WDFY4: variants seen among roughly 807,000 people sequenced by gnomAD.
The protein encoded by WDFY4 is WD repeat- and FYVE domain-containing protein 4.
A neutral mutation model predicts 351.9 loss-of-function variants in WDFY4; 169 were observed. That is an observed-to-expected ratio of 0.48 (90% CI 0.42 to 0.55). The LOEUF is 0.55. Ranked by LOEUF, WDFY4 falls within the 20% of genes least tolerant of loss-of-function variation. The probability of loss-of-function intolerance (pLI) is 0.00; values close to 1 mark genes in which losing one functional copy is unlikely to be tolerated. For synonymous variants in WDFY4, 1,622 were observed against 1,574.6 expected (o/e 1.03, Z -0.71); for missense variants, 3,803 against 3,935.6 (o/e 0.97, Z 0.90).
intron 40 of WDFY4, among the ~76,000 whole-genome samples, chr10:48,870,959 A>G (rs1411607655): frequency 6.8e-6 from 1 of 147,448 alleles, no homozygotes; most frequent in Non-Finnish European, 1.5e-5. Flanking sequence ...TTTTTGATGG[A>G]GGCTCGCTCC....
At chr10:48,979,955 C>A (rs1448266486) in intron 60 of WDFY4, 1 of 152,128 alleles carries the variant, frequency 6.6e-6, no homozygotes, top group Non-Finnish European at 1.5e-5. Flanking sequence ...AAATGCAGGT[C>A]ATTATTGTCA....
rs374289050 is a variant in WDFY4, at chr10:48,923,496, G to GTATATATATATA, written c.7587-18304_7587-18293dup. Among the ~76,000 whole-genome samples, 211 of 63,176 alleles carry GTATATATATATA rather than the reference G, an allele frequency of 3.3e-3. 33 individuals are homozygous for GTATATATATATA. Among genetic ancestry groups the GTATATATATATA allele is most frequent in the Admixed American group, 0.027 (124 of 4,516 alleles). 41.4% of individuals were successfully genotyped at this position (63,176 alleles called of 152,430 possible). On this transcript the variant is annotated intron_variant, in intron 47 of 61. Transcript: ENST00000325239. Reference sequence around the variant, plus strand: ...TCAGGTAAACAACAAATAGTTTTTAGTATATATATATATATATGTCCCAAA... The same window carrying GTATATATATATA: ...TCAGGTAAACAACAAATAGTTTTTAGTATATATATATATATATATATATATATATGTCCCAAA...
intron 53 of WDFY4, among the ~76,000 whole-genome samples, chr10:48,963,577 A>C (rs1204451266): frequency 6.6e-6 from 1 of 152,176 alleles, no homozygotes; most frequent in Non-Finnish European, 1.5e-5. Context: ...GATACTGTGG[A>C]CACCATGGTT....
rs1043282512 is a variant in WDFY4, at chr10:48,731,173, A to G, written c.1193A>G (p.Asp398Gly). 1.9e-6 allele frequency: 3 copies of G among 1,551,512 alleles called. No individual in the cohort carries two copies. The African/African-American group carries it at 4.1e-5, about 21-fold the overall frequency. The change falls in exon 9 of 62, where the codon GAC (aspartate) becomes GGC (glycine). Residue 398 changes from aspartate to glycine, a missense_variant. This residue lies in a region of WDFY4 where 261 missense variants were observed against 330.2 expected (regional missense o/e 0.79). Coordinates refer to ENST00000325239, the MANE Select transcript of WDFY4 (RefSeq NM_001394531.1). The part of the protein sequence containing the change: ...VLQNVFHKAS[D>G]SVLCIQVLSV... The stretch of plus-strand genomic sequence containing the variant: ...CAGAATGTTTTCCACAAAGCCAGTG[A>G]CTCTGTCCTCTGCATACAAGTCTTG...
At chr10:48,790,969 C>T in intron 23 of WDFY4, 52 bp downstream of exon 23, 1 of 1,541,190 alleles carries the variant, frequency 6.5e-7, no homozygotes, top group East Asian at 2.4e-5. Flanking sequence ...GCTGTCATCC[C>T]TGGGAAACAG....
rs1589838646 is a variant in WDFY4 at position 48,901,926 on chromosome 10, G to A, written c.7586+63G>A. On this transcript the variant is annotated intron_variant, in intron 47 of 61. Coordinates refer to ENST00000325239, the MANE Select transcript of WDFY4 (RefSeq NM_001394531.1). ...GCCCTGGCTTTGATGTTCCTCCTCT[G>A]CCTCATCCCACTCTAAAGAAGTCTT... is the stretch of plus-strand genomic sequence containing the variant. The A allele has an allele frequency of 5.6e-6, 8 of 1,434,324 alleles. No homozygotes were observed. The East Asian group carries it at 1.7e-4, about 31-fold the overall frequency. 88.8% of individuals were successfully genotyped at this position (1,434,324 alleles called of 1,614,324 possible). A position where few individuals can be genotyped will look rare whatever the true frequency, so the allele number is the denominator to read the frequency against.
intron 39 of WDFY4, among the ~76,000 whole-genome samples, chr10:48,864,201 A>T (rs1321024198): frequency 6.6e-6 from 1 of 152,144 alleles, no homozygotes; most frequent in Non-Finnish European, 1.5e-5. Flanking sequence ...TTCTTCTAAG[A>T]GTTTTATAGT....
Position 48,906,180 on chromosome 10 carries a change from T to G in WDFY4, c.7586+4317T>G, listed in dbSNP as rs144532012. Among the ~76,000 whole-genome samples, 1,501 of 152,304 alleles carry G rather than the reference T, an allele frequency of 9.9e-3. 23 individuals carry two copies. Among genetic ancestry groups the G allele is most frequent in the African/African-American group, 0.034 (1,429 of 41,564 alleles). ...GGACTTCTTACCTATAAACGAGGTG[T>G]GTGTGCCGTTCTGAGGGTTTTCAAC... On this transcript the variant is annotated intron_variant, in intron 47 of 61. Coordinates refer to ENST00000325239, the MANE Select transcript of WDFY4 (RefSeq NM_001394531.1).
At chr10:48,830,156 T>A (rs1025309093) in intron 37 of WDFY4, among the ~76,000 whole-genome samples, 1 of 152,190 alleles carries the variant, frequency 6.6e-6, no homozygotes, top group African/African-American at 2.4e-5. Context: ...TTAGATCTGC[T>A]TATACCTGAA....
At chr10:48,823,806 C>G (rs2067909274) in intron 35 of WDFY4, 2 of 988,800 alleles carry the variant, frequency 2.0e-6, no homozygotes, top group Non-Finnish European at 2.4e-6. Context: ...CCAGCCTCCT[C>G]TCTTGCTTGC....
At chr10:48,768,292 T>C (rs567250465) in intron 13 of WDFY4, among the ~76,000 whole-genome samples, 2 of 152,162 alleles carry the variant, frequency 1.3e-5, no homozygotes, top group Non-Finnish European at 2.9e-5. Flanking sequence ...CAGGGCTCTA[T>C]GCACAGTGTT....
intron 35 of WDFY4, chr10:48,823,062 A>T (rs1308810580): frequency 8.7e-7 from 1 of 1,143,664 alleles, no homozygotes; most frequent in African/African-American, 1.6e-5. Context: ...CTACCTGTAC[A>T]AATGCATACC....
At chr10:48,925,844 A>G (rs1361128308) in intron 47 of WDFY4, among the ~76,000 whole-genome samples, 1 of 152,164 alleles carries the variant, frequency 6.6e-6, no homozygotes, top group Non-Finnish European at 1.5e-5. Flanking sequence ...TCATGGTACC[A>G]AAGTAATTGC....
chr10:48,852,604 A>G (rs2068994295), intron 39 of WDFY4, among the ~76,000 whole-genome samples: 1 of 152,152 alleles, frequency 6.6e-6, no homozygotes, highest in Admixed American at 6.5e-5. Flanking sequence ...CAGGAGAAGC[A>G]GTCATTTTGC....
intron 39 of WDFY4, among the ~76,000 whole-genome samples, chr10:48,839,205 G>C (rs2133110242): frequency 6.6e-6 from 1 of 152,328 alleles, no homozygotes; most frequent in East Asian, 1.9e-4. Context: ...TGCAGGGGAA[G>C]TAACTGGTAC....
Position 48,728,195 on chromosome 10 carries a change from G to A in WDFY4, c.971+536G>A, listed in dbSNP as rs113434844. Among the ~76,000 whole-genome samples, 141 of 152,286 alleles carry A rather than the reference G, an allele frequency of 9.3e-4. 1 individual carries two copies. The highest frequency in any genetic ancestry group is 3.2e-3 in the African/African-American group (135 of 41,546). ...GGTTTCCTTCCCTTCCCTGTCTCAC[G>A]TGGCCTCTCCCCTACTGGTGTTTTC... On this transcript the variant is annotated intron_variant, in intron 7 of 61. Coordinates refer to ENST00000325239, the MANE Select transcript of WDFY4 (RefSeq NM_001394531.1).
intron 13 of WDFY4, among the ~76,000 whole-genome samples, chr10:48,772,722 G>A: frequency 7.0e-6 from 1 of 143,560 alleles, no homozygotes; most frequent in Non-Finnish European, 1.5e-5. Flanking sequence ...ACAGTCCCCA[G>A]AGTGTGCTAT....
At position 48,723,447 on chromosome 10, in the gene WDFY4, G is replaced by A. The variant is rs938593625; in HGVS notation, c.471G>A (p.Arg157=). The change falls in exon 5 of 62, where the codon AGG becomes AGA. Residue 157 remains arginine, a synonymous_variant. Transcript: ENST00000325239. Reference sequence around the variant, plus strand: ...TTCTCTTGCAGGAGACGCTGGGCAGGGTTGCTGAGTCTGGGCTTCCAGCCC... The same window carrying A: ...TTCTCTTGCAGGAGACGCTGGGCAGAGTTGCTGAGTCTGGGCTTCCAGCCC... The part of the protein sequence containing the change: ...LTGTDSETLG[R]VAESGLPALL... 1.3e-6 allele frequency: 2 copies of A among 1,549,894 alleles called. No individual in the cohort carries two copies. The highest frequency in any genetic ancestry group is 2.7e-5 in the African/African-American group (2 of 72,942).
At chr10:48,830,317 G>A (rs1219734659) in intron 37 of WDFY4, among the ~76,000 whole-genome samples, 1 of 152,180 alleles carries the variant, frequency 6.6e-6, no homozygotes, top group African/African-American at 2.4e-5. Context: ...GGAAGGAGCT[G>A]TTTGAGTGGA....
Sources: gnomAD v4.1 joint callset for allele counts (sites outside exome capture counted in the v4.1 genomes callset) on GRCh38, gnomAD v4.1.1 for gene constraint, gnomAD v4.1.1 regional missense constraint, MANE v1.5 for transcripts, NCBI Gene and HGNC (gene_info 2026-07-23, HGNC 2026-07-21) for gene names.